ATRNL1: variants seen among roughly 807,000 people sequenced by gnomAD.
ATRNL1 encodes the protein attractin-like protein 1.
A neutral mutation model predicts 182.7 loss-of-function variants in ATRNL1; 95 were observed. The ratio of observed to expected loss-of-function variants is 0.52; its 90% CI spans 0.44 to 0.62. The LOEUF is 0.62. Among genes scored for constraint, ATRNL1 ranks in the 20% least tolerant of loss-of-function variants. ATRNL1 has a pLI of 0.00. For synonymous variants in ATRNL1, 576 were observed against 568.3 expected (o/e 1.01, Z -0.19); for missense variants, 1,471 against 1,679.5 (o/e 0.88, Z 2.17).
intron 27 of ATRNL1, among the ~76,000 whole-genome samples, chr10:115,728,945 A>T (rs1555061640): frequency 1.3e-5 from 2 of 152,164 alleles, no homozygotes; most frequent in African/African-American, 4.8e-5. Flanking sequence ...GAAAACTTAG[A>T]CTATTTTTGG....
At chr10:115,651,432 A>G (rs759734749) in intron 26 of ATRNL1, among the ~76,000 whole-genome samples, 5 of 152,160 alleles carry the variant, frequency 3.3e-5, no homozygotes, top group Non-Finnish European at 7.4e-5. Context: ...CATTACTACT[A>G]TTGGGTTTCA....
chr10:115,500,517 A>G (rs2420082), intron 24 of ATRNL1, among the ~76,000 whole-genome samples: 130,454 of 152,126 alleles, frequency 0.86, 56,389 homozygotes, highest in African/African-American at 0.97. Flanking sequence ...ATTATACTTG[A>G]CCTCATTATT....
intron 26 of ATRNL1, among the ~76,000 whole-genome samples, chr10:115,611,129 T>G (rs1195114673): frequency 2.6e-5 from 4 of 151,998 alleles, no homozygotes; most frequent in Non-Finnish European, 4.4e-5. Flanking sequence ...GGATTGAACA[T>G]TTGTATACCT....
chr10:115,618,620 C>A (rs1555021614), intron 26 of ATRNL1, among the ~76,000 whole-genome samples: 2 of 151,788 alleles, frequency 1.3e-5, no homozygotes, highest in African/African-American at 4.8e-5. Context: ...GTTGTCAAAG[C>A]TATCTTTTGT....
At chr10:115,308,200 T>C (rs533585807) in intron 17 of ATRNL1, among the ~76,000 whole-genome samples, 9 of 152,272 alleles carry the variant, frequency 5.9e-5, no homozygotes, top group Non-Finnish European at 1.2e-4. Context: ...AGAGAGGAAA[T>C]GTTTTTTAAG....
At chr10:115,866,139 T>C (rs1231214948) in intron 28 of ATRNL1, among the ~76,000 whole-genome samples, 1 of 152,224 alleles carries the variant, frequency 6.6e-6, no homozygotes, top group East Asian at 1.9e-4. Flanking sequence ...GCTGCCATAT[T>C]TTTGTTAAAA....
At chr10:115,333,546 C>T (rs551230481) in intron 18 of ATRNL1, among the ~76,000 whole-genome samples, 37 of 149,420 alleles carry the variant, frequency 2.5e-4, no homozygotes, top group South Asian at 1.0e-3. Context: ...TGCACTGGCA[C>T]GATCTCGGCT....
intron 28 of ATRNL1, among the ~76,000 whole-genome samples, chr10:115,854,594 AC>A (rs1475872253): frequency 3.3e-5 from 5 of 151,990 alleles, no homozygotes; most frequent in African/African-American, 1.2e-4. Context: ...CAGCATCTCA[AC>A]CTGGATTTCC....
intron 25 of ATRNL1, among the ~76,000 whole-genome samples, chr10:115,535,105 G>C (rs1178588470): frequency 6.6e-6 from 1 of 150,594 alleles, no homozygotes; most frequent in Non-Finnish European, 1.5e-5. Flanking sequence ...CTCTTCTCGA[G>C]GAGTATCTTT....
chr10:115,481,713 CAT>C (rs576728145), intron 24 of ATRNL1, among the ~76,000 whole-genome samples: 96 of 150,670 alleles, frequency 6.4e-4, no homozygotes, highest in African/African-American at 2.2e-3. Flanking sequence ...TATAAACAAA[CAT>C]ATTTATAATC....
intron 8 of ATRNL1, among the ~76,000 whole-genome samples, chr10:115,187,935 C>G (rs1317241713): frequency 4.6e-5 from 7 of 151,698 alleles, no homozygotes; most frequent in African/African-American, 1.5e-4. Flanking sequence ...CCACCTCGGT[C>G]TCCCAAAGTG....
chr10:115,410,954 T>C (rs1018852460), intron 20 of ATRNL1, among the ~76,000 whole-genome samples: 1 of 151,992 alleles, frequency 6.6e-6, no homozygotes, highest in Non-Finnish European at 1.5e-5. Flanking sequence ...GCCAGGCTGG[T>C]CTCAAACTCC....
intron 28 of ATRNL1, among the ~76,000 whole-genome samples, chr10:115,871,732 G>A (rs1951591499): frequency 6.6e-6 from 1 of 151,984 alleles, no homozygotes; most frequent in Non-Finnish European, 1.5e-5. Context: ...TTGAAAATTT[G>A]TATGAAAATA....
intron 18 of ATRNL1, among the ~76,000 whole-genome samples, chr10:115,322,861 T>C (rs1854651634): frequency 6.6e-6 from 1 of 152,148 alleles, no homozygotes; most frequent in Non-Finnish European, 1.5e-5. Flanking sequence ...TTAATCTTAT[T>C]GGGCTTTTTT....
intron 5 of ATRNL1, among the ~76,000 whole-genome samples, chr10:115,150,190 G>A (rs909589752): frequency 3.3e-4 from 50 of 151,684 alleles, no homozygotes; most frequent in South Asian, 2.1e-4. Context: ...CAGTTGTAAC[G>A]TGTCCTTTTA....
At chr10:115,803,098 G>A (rs1028054948) in intron 27 of ATRNL1, among the ~76,000 whole-genome samples, 2 of 152,158 alleles carry the variant, frequency 1.3e-5, no homozygotes, top group African/African-American at 2.4e-5. Context: ...GCCAGTACTA[G>A]AAATGCTGTC....
intron 27 of ATRNL1, among the ~76,000 whole-genome samples, chr10:115,768,038 A>G (rs1174575237): frequency 6.6e-6 from 1 of 152,192 alleles, no homozygotes; most frequent in African/African-American, 2.4e-5. Flanking sequence ...AAAGACATCA[A>G]TATACCCAAT....
At chr10:115,942,709 A>C (rs1250466705) in intron 28 of ATRNL1, among the ~76,000 whole-genome samples, 3 of 152,336 alleles carry the variant, frequency 2.0e-5, no homozygotes, top group African/African-American at 7.2e-5. Context: ...AGGTCAGCTC[A>C]ATTCAAAGTC....
intron 19 of ATRNL1, among the ~76,000 whole-genome samples, chr10:115,366,291 T>C (rs879946306): frequency 0.013 from 1,923 of 151,960 alleles, 32 homozygotes; most frequent in African/African-American, 0.043. Context: ...TTTGTCTCTT[T>C]TGATCTTTGT....
Sources: gnomAD v4.1 joint callset for allele counts (sites outside exome capture counted in the v4.1 genomes callset) on GRCh38, gnomAD v4.1.1 for gene constraint, MANE v1.5 for transcripts, NCBI Gene and HGNC (gene_info 2026-07-23, HGNC 2026-07-21) for gene names.